FBXL2: variants seen among roughly 807,000 people sequenced by gnomAD.
The protein encoded by FBXL2 is F-box and leucine rich repeat protein 2.
A neutral mutation model predicts 69.2 loss-of-function variants in FBXL2; 38 were observed. The ratio of observed to expected loss-of-function variants is 0.55; its 90% CI spans 0.42 to 0.72. FBXL2 has a LOEUF of 0.72. Among genes scored for constraint, FBXL2 ranks in the 30% least tolerant of loss-of-function variants. FBXL2 has a pLI of 0.00. For synonymous variants in FBXL2, 192 were observed against 201.3 expected, an observed-to-expected ratio of 0.95 and a Z score of 0.39; for missense variants, 354 against 520.3, an observed-to-expected ratio of 0.68 and a Z score of 3.11.
At chr3:33,388,853 C>T (rs368309330), downstream of FBXL2, 15 of 152,344 alleles carry the variant, frequency 9.8e-5, no homozygotes, top group South Asian at 2.3e-3. Flanking sequence ...CTTTTACTCA[C>T]TGAAGTAGTT....
chr3:33,338,621 T>C (rs1285579632), intron 2 of FBXL2, among the ~76,000 whole-genome samples: 1 of 152,066 alleles, frequency 6.6e-6, no homozygotes, highest in Non-Finnish European at 1.5e-5. Flanking sequence ...TAAATAGAGC[T>C]GCACACCTAC....
chr3:33,291,295 C>A (rs2035202116), intron 1 of FBXL2, among the ~76,000 whole-genome samples: 1 of 151,904 alleles, frequency 6.6e-6, no homozygotes. Context: ...ATTCAATATT[C>A]AAAAGTGAAG....
At chr3:33,327,568 A>G (rs190940688) in intron 2 of FBXL2, among the ~76,000 whole-genome samples, 6 of 152,304 alleles carry the variant, frequency 3.9e-5, no homozygotes, top group East Asian at 3.9e-4. Context: ...TCAAAAGTCA[A>G]CTAGCTCAAG....
downstream of FBXL2, among the ~76,000 whole-genome samples, chr3:33,405,003 G>T (rs2044378836): frequency 6.6e-6 from 1 of 152,052 alleles, no homozygotes; most frequent in South Asian, 2.1e-4. Context: ...TTGTTGTTTT[G>T]ATAAATTGGT....
chr3:33,299,786 A>G (rs2036102709), intron 2 of FBXL2, among the ~76,000 whole-genome samples: 1 of 152,238 alleles, frequency 6.6e-6, no homozygotes, highest in Admixed American at 6.5e-5. Context: ...TTTGGATAAG[A>G]GAGAATGTTC....
In FBXL2 at chr3:33,373,242, G is replaced by C. The variant is rs181619607; in HGVS notation, c.360-18G>C. The C allele has an allele frequency of 6.2e-7, 1 of 1,613,486 alleles. No individual in the cohort carries two copies. The highest frequency in any genetic ancestry group is 1.3e-5 in the African/African-American group (1 of 74,900). ...AAACGTGGTTGAAAATATCTTTAGT[G>C]CGTCTGCTCTTTTTCAGCACGTGTT... On this transcript the variant is annotated intron_variant, in intron 6 of 14. Transcript: ENST00000484457.
intron 2 of FBXL2, among the ~76,000 whole-genome samples, chr3:33,332,095 AT>A (rs1321812121): frequency 6.6e-6 from 1 of 152,168 alleles, no homozygotes; most frequent in Non-Finnish European, 1.5e-5. Flanking sequence ...AAATACCTAA[AT>A]TAAAAAAACC....
intron 2 of FBXL2, among the ~76,000 whole-genome samples, chr3:33,329,698 A>T (rs2039002774): frequency 6.6e-6 from 1 of 152,196 alleles, no homozygotes; most frequent in Non-Finnish European, 1.5e-5. Context: ...CATATGTGAG[A>T]GCTAAAAAAG....
chr3:33,399,575 C>G (rs567238522), intron 12 of FBXL2, among the ~76,000 whole-genome samples: 21 of 152,242 alleles, frequency 1.4e-4, no homozygotes, highest in African/African-American at 5.1e-4. Flanking sequence ...TATATGATTG[C>G]ATTTATATAA....
At chr3:33,396,086 C>T in intron 12 of FBXL2, 2 of 1,334,134 alleles carry the variant, frequency 1.5e-6, no homozygotes, top group Non-Finnish European at 2.1e-6. Context: ...TTCTCCAAAG[C>T]CTGCTCAATC....
intron 9 of FBXL2, 45 bp from the exon 10 acceptor site, chr3:33,375,243 T>C (rs2042560060): frequency 2.5e-6 from 4 of 1,592,004 alleles, no homozygotes; most frequent in Non-Finnish European, 3.4e-6. Context: ...CGTTTTGGTA[T>C]TGCTGGTGTC....
At chr3:33,314,976 G>T (rs561051460) in intron 2 of FBXL2, among the ~76,000 whole-genome samples, 1 of 152,172 alleles carries the variant, frequency 6.6e-6, no homozygotes, top group South Asian at 2.1e-4. Context: ...TGTGTTTCAT[G>T]AAAAAAGTGG....
chr3:33,279,847 AGAGAT>A (rs1174985211), intron 1 of FBXL2, among the ~76,000 whole-genome samples: 2 of 152,194 alleles, frequency 1.3e-5, no homozygotes, highest in Non-Finnish European at 2.9e-5. Context: ...ATCCTATTTT[AGAGAT>A]GAGGAAATTG....
At chr3:33,370,093 A>G (rs1408406517) in intron 5 of FBXL2, among the ~76,000 whole-genome samples, 2 of 152,070 alleles carry the variant, frequency 1.3e-5, no homozygotes, top group Non-Finnish European at 2.9e-5. Flanking sequence ...TGTCTAAAAA[A>G]ATCTGTTTTT....
intron 5 of FBXL2, chr3:33,372,882 G>T: frequency 1.6e-6 from 1 of 609,500 alleles, no homozygotes; most frequent in Non-Finnish European, 2.9e-6. Flanking sequence ...AGCAGCACTG[G>T]CATCACCTGG....
the FBXL2 span, chr3:33,416,797 T>C: frequency 2.5e-6 from 4 of 1,613,730 alleles, no homozygotes; most frequent in Middle Eastern, 1.7e-4. Flanking sequence ...TATCACCCAT[T>C]TTCCGATTAT....
chr3:33,379,036 C>T (rs1233466277), intron 13 of FBXL2, among the ~76,000 whole-genome samples: 2 of 150,306 alleles, frequency 1.3e-5, no homozygotes, highest in Admixed American at 6.6e-5. Context: ...GAAACAGGGT[C>T]TCACTCTATC....
intron 5 of FBXL2, among the ~76,000 whole-genome samples, chr3:33,367,264 A>G (rs751416250): frequency 6.6e-6 from 1 of 152,072 alleles, no homozygotes; most frequent in Non-Finnish European, 1.5e-5. Flanking sequence ...TATTTTCAGT[A>G]GAGACGGGGG....
intron 2 of FBXL2, among the ~76,000 whole-genome samples, chr3:33,323,235 G>T (rs1041441545): frequency 6.6e-6 from 1 of 151,986 alleles, no homozygotes; most frequent in African/African-American, 2.4e-5. Context: ...CCAGCTTCAT[G>T]GTGCAGTTTT....
Sources: allele counts gnomAD v4.1 joint callset (sites outside exome capture counted in the v4.1 genomes callset), GRCh38; gene constraint gnomAD v4.1.1; transcripts MANE v1.5; gene names NCBI Gene and HGNC (gene_info 2026-07-23, HGNC 2026-07-21).